Variants in ARHGEF15 observed in about 807,000 individuals in gnomAD.
ARHGEF15 encodes the protein Rho guanine nucleotide exchange factor 15.
In ARHGEF15, 58 loss-of-function variants were observed where a neutral mutation model predicts 79.7. That is an observed-to-expected ratio of 0.73 (90% confidence interval 0.59 to 0.91). ARHGEF15 has a LOEUF of 0.91. ARHGEF15 is among the 40% of genes least tolerant of loss of function. The pLI is 0.00. For synonymous variants in ARHGEF15, 442 were observed against 456.0 expected (o/e 0.97, Z 0.39); for missense variants, 1,012 against 1,108.1 (o/e 0.91, Z 1.23).
chr17:8,313,520 T>A lies in ARHGEF15; in HGVS notation c.954T>A (p.Ala318=). 6.2e-7 allele frequency: 1 copy of A among 1,613,416 alleles called. No homozygotes were observed. The highest frequency in any genetic ancestry group is 8.5e-7 in the Non-Finnish European group (1 of 1,179,860). Residue 318 remains alanine, a synonymous_variant, in exon 4 of 16, where the codon GCT becomes GCA. Coordinates refer to ENST00000361926, the MANE Select transcript of ARHGEF15 (RefSeq NM_173728.4). The stretch of plus-strand genomic sequence containing the variant: ...CTCCAGGGGACAGTCCTGATGAAGC[T>A]CCTCAGAATACTCCTCCAGCAACTG... ...GIQTGDSPDE[A]PQNTPPATVE...
At chr17:8,312,766 G>C in intron 2 of ARHGEF15, 126 bp downstream of exon 2, 1 of 1,589,694 alleles carries the variant, frequency 6.3e-7, no homozygotes, top group South Asian at 1.1e-5. Context: ...TCTGGTTTCT[G>C]TATGTCGGGA....
At chr17:8,316,172 T>C in intron 9 of ARHGEF15, 24 bp downstream of exon 9, 1 of 1,595,964 alleles carries the variant, frequency 6.3e-7, no homozygotes, top group Non-Finnish European at 8.5e-7. Flanking sequence ...CTGCGGCCGT[T>C]TCTGCCCCAC....
rs371565392 is a variant in ARHGEF15 at position 8,319,332 on chromosome 17, T to A, written c.2207T>A (p.Leu736Gln). 6.2e-7 allele frequency: 1 copy of A among 1,613,994 alleles called. No homozygotes were observed. Among genetic ancestry groups the A allele is most frequent in the Non-Finnish European group, 8.5e-7 (1 of 1,180,018 alleles). The change falls in exon 14 of 16, where the codon CTG (leucine) becomes CAG (glutamine). Residue 736 changes from leucine (L) to glutamine (Q), a missense_variant. This residue lies in a region of ARHGEF15 where 62 missense variants were observed against 101.3 expected (regional missense o/e 0.61). Coordinates refer to ENST00000361926, the MANE Select transcript of ARHGEF15 (RefSeq NM_173728.4). ...ASSLSDMQRW[L>Q]GAFPTPGPLP... ...ACCAGATCAGACATGCAGCGCTGGC[T>A]GGGAGCCTTCCCAACCCCAGGCCCC...
At chr17:8,313,276 A>C in intron 3 of ARHGEF15, 22 bp downstream of exon 3, 1 of 1,596,710 alleles carries the variant, frequency 6.3e-7, no homozygotes, top group Non-Finnish European at 8.5e-7. Context: ...GGGGGAGTGG[A>C]CCTCTGGGCT....
Position 8,313,204 on chromosome 17 carries a change from A to AC in ARHGEF15, c.890dup (p.Gln298ThrfsTer5), listed in dbSNP as rs771155816. 2 of 1,607,224 alleles carry AC rather than the reference A, an allele frequency of 1.2e-6. No homozygotes were observed. The highest frequency in any genetic ancestry group is 2.2e-5 in the East Asian group (1 of 44,856). ...AGGCAGGATGCCACCATTTTCGGGG[A>AC]CCCCCCACAGCCAGATCTTGATCTG... On this transcript the variant is annotated frameshift_variant, in exon 3 of 16. Coordinates refer to ENST00000361926, the MANE Select transcript of ARHGEF15 (RefSeq NM_173728.4). LOFTEE classifies it high-confidence loss of function.
In ARHGEF15 at chr17:8,322,314, G is replaced by T. The variant is rs1905436926; in HGVS notation, c.*1321G>T. On this transcript the variant is annotated 3_prime_UTR_variant, in exon 16 of 16. Coordinates refer to ENST00000361926, the MANE Select transcript of ARHGEF15 (RefSeq NM_173728.4). ...GGCTGGCAGGGGGGCCCAGGCCCGG[G>T]ACGAGGCCTCCCCTTCAGCTCAGGC... 1 of 152,432 alleles carries T rather than the reference G, an allele frequency of 6.6e-6. No homozygotes were observed. The allele number at this position is 152,432 out of a possible 1,614,324, so 9.4% of individuals were successfully genotyped here. A position where few individuals can be genotyped will look rare whatever the true frequency, so the allele number is the denominator to read the frequency against.
chr17:8,311,057 A>T (rs1457910239), intron 1 of ARHGEF15, among the ~76,000 whole-genome samples: 1 of 143,712 alleles, frequency 7.0e-6, no homozygotes, highest in Non-Finnish European at 1.5e-5. Context: ...GAGCTGCAAG[A>T]CCCATCATCT....
chr17:8,320,682 A>C (rs192525649), intron 15 of ARHGEF15, among the ~76,000 whole-genome samples, 160 bp from the exon 16 acceptor site: 1 of 151,808 alleles, frequency 6.6e-6, no homozygotes, highest in African/African-American at 2.4e-5. Context: ...AGCTGCTGTC[A>C]CCTCCACTTC....
intron 9 of ARHGEF15, among the ~76,000 whole-genome samples, chr17:8,317,451 ATG>A (rs1249403584): frequency 6.6e-6 from 1 of 152,152 alleles, no homozygotes; most frequent in Non-Finnish European, 1.5e-5. Context: ...CAGTGTCTTT[ATG>A]ATCTTATTCA....
At position 8,315,114 on chromosome 17, in the gene ARHGEF15, G is replaced by C. The variant is rs776495574; in HGVS notation, c.1097G>C (p.Trp366Ser). ...GCAGCCGTGCTGTCAGAGGAGCTGT[G>C]GGGGGTGGGTGAGGATGGGAGTCCT... ...YRAAVLSEEL[W>S]GVGEDGSPSP... The change falls in exon 6 of 16, where the codon TGG (tryptophan) becomes TCG (serine). Residue 366 changes from tryptophan (W) to serine (S), a missense_variant. Physicochemically the swap from Trp to Ser is radical, Grantham distance 177 (BLOSUM62 -3). Coordinates refer to ENST00000361926, the MANE Select transcript of ARHGEF15 (RefSeq NM_173728.4). The surrounding 1 kb of genome is among the most constrained non-coding windows in gnomAD (Gnocchi z 4.3). 6.2e-6 allele frequency: 10 copies of C among 1,613,726 alleles called. No individual in the cohort carries two copies. The highest frequency in any genetic ancestry group is 6.8e-6 in the Non-Finnish European group (8 of 1,179,912).
intron 15 of ARHGEF15, 121 bp downstream of exon 15, chr17:8,319,724 C>T (rs2151645272): frequency 1.3e-6 from 1 of 741,870 alleles, no homozygotes; most frequent in East Asian, 3.2e-5. Flanking sequence ...CAACCTCTGC[C>T]TCCTGGGTTC....
At chr17:8,319,851 G>T (rs1400980002) in intron 15 of ARHGEF15, among the ~76,000 whole-genome samples, 1 of 151,980 alleles carries the variant, frequency 6.6e-6, no homozygotes. Context: ...GGCCAGGCTG[G>T]TCTCGAACTA....
rs768476171 is a variant in ARHGEF15 at position 8,313,100 on chromosome 17, C to T, written c.780C>T (p.Ala260=). 8.7e-6 allele frequency: 14 copies of T among 1,613,494 alleles called. No individual in the cohort carries two copies. The Admixed American group carries it at 1.3e-4, about 15-fold the overall frequency. The change falls in exon 3 of 16, where the codon GCC becomes GCT. Residue 260 remains alanine, a synonymous_variant. Coordinates refer to ENST00000361926, the MANE Select transcript of ARHGEF15 (RefSeq NM_173728.4). ...ACCCTCCAAGCATCGGTCACCCTGC[C>T]GTTGTCCTCACATCCTACCGCTCCA... is the stretch of plus-strand genomic sequence containing the variant. The part of the protein sequence containing the change: ...RPHPPSIGHP[A]VVLTSYRSTA...
At chr17:8,317,306 G>T (rs1905086439) in intron 9 of ARHGEF15, among the ~76,000 whole-genome samples, 1 of 151,842 alleles carries the variant, frequency 6.6e-6, no homozygotes, top group African/African-American at 2.4e-5. Context: ...CACTATGTTG[G>T]CCAGGCTGGT....
rs957976285 is a variant in ARHGEF15, at chr17:8,319,001, G to C, written c.2034-6G>C. On this transcript the variant is annotated splice_polypyrimidine_tract_variant and splice_region_variant and intron_variant, in intron 12 of 15. Coordinates refer to ENST00000361926, the MANE Select transcript of ARHGEF15 (RefSeq NM_173728.4). ...TGTCCTTCTGAACGACCTCATCCCT[G>C]GGCAGTGGGCAGCGGTTACAGGTTC... 2 of 1,613,114 alleles carry C rather than the reference G, an allele frequency of 1.2e-6. No individual in the cohort carries two copies. Among genetic ancestry groups the C allele is most frequent in the African/African-American group, 2.7e-5 (2 of 74,988 alleles).
chr17:8,312,959 C>G lies in ARHGEF15; in HGVS notation c.639C>G (p.Val213=). The G allele has an allele frequency of 6.3e-7, 1 of 1,592,114 alleles. No homozygotes were observed. The highest frequency in any genetic ancestry group is 1.1e-5 in the South Asian group (1 of 87,242). The stretch of plus-strand genomic sequence containing the variant: ...CCTGCCCTCCCTGCTGCCCCTGTGT[C>G]TGCCACACCACCCGGCCTGGCCTGG... ...GLACPPCCPC[V]CHTTRPGLEL... The change falls in exon 3 of 16, where the codon GTC becomes GTG. Residue 213 remains valine, a synonymous_variant. Transcript: ENST00000361926.
chr17:8,320,504 T>G (rs946357284), intron 15 of ARHGEF15, among the ~76,000 whole-genome samples: 2 of 151,996 alleles, frequency 1.3e-5, no homozygotes, highest in African/African-American at 4.8e-5. Context: ...AGGAGGCCAG[T>G]GTGACTAGCA....
chr17:8,311,988 C>T lies in ARHGEF15; in HGVS notation c.-49-3C>T. On this transcript the variant is annotated splice_polypyrimidine_tract_variant and splice_region_variant and intron_variant, in intron 1 of 15. Transcript: ENST00000361926. ...TCTTTCTCTTTCCCTCCCTCCTCCT[C>T]AGGGGATGACTCCAGCAGAGCACCT... The T allele has an allele frequency of 6.8e-7, 1 of 1,476,580 alleles. No homozygotes were observed. 91.5% of individuals were successfully genotyped at this position (1,476,580 alleles called of 1,614,324 possible). A position where few individuals can be genotyped will look rare whatever the true frequency, so the allele number is the denominator to read the frequency against.
chr17:8,318,515 T>A lies in ARHGEF15; in HGVS notation c.1779+54T>A. On this transcript the variant is annotated intron_variant, in intron 10 of 15. Transcript: ENST00000361926. This position sits in a 1 kb window ranked among gnomAD's most constrained non-coding sequence, Gnocchi z 5.0. ...GAGGTGACAAGGTGGTAGAGAGAAATGGTAGGGAGCAGGGGGCTGGCCGCT... is the reference window on the plus strand; with the variant it reads ...GAGGTGACAAGGTGGTAGAGAGAAAAGGTAGGGAGCAGGGGGCTGGCCGCT... 6.2e-7 allele frequency: 1 copy of A among 1,612,690 alleles called. No homozygotes were observed. Among genetic ancestry groups the A allele is most frequent in the Non-Finnish European group, 8.5e-7 (1 of 1,179,338 alleles).
Sources: gnomAD v4.1 joint callset for allele counts (sites outside exome capture counted in the v4.1 genomes callset) on GRCh38, gnomAD v4.1.1 for gene constraint, gnomAD v4.1.1 regional missense constraint, Gnocchi (gnomAD v3.1) non-coding constraint, MANE v1.5 for transcripts, NCBI Gene and HGNC (gene_info 2026-07-23, HGNC 2026-07-21) for gene names.